LCLAT1: variants seen among roughly 807,000 people sequenced by gnomAD.
LCLAT1 encodes lysocardiolipin acyltransferase 1.
In LCLAT1, 11 loss-of-function variants were observed where a neutral mutation model predicts 30.7. The ratio of observed to expected loss-of-function variants is 0.36; its 90% confidence interval spans 0.23 to 0.59. The LOEUF is 0.59. Ranked by LOEUF, LCLAT1 falls within the 20% of genes least tolerant of loss-of-function variation. The pLI, the probability that LCLAT1 is intolerant of heterozygous loss-of-function variation, is 0.77. For missense variants in LCLAT1, 402 were observed against 458.6 expected (o/e 0.88, Z 1.13); for synonymous variants, 155 against 151.3 (o/e 1.02, Z -0.18).
chr2:30,471,343 G>A (rs556709174), intron 1 of LCLAT1, among the ~76,000 whole-genome samples: 169 of 152,212 alleles, frequency 1.1e-3, no homozygotes, highest in African/African-American at 4.0e-3. Context: ...CTGAGTAGCT[G>A]GAACTACAGG....
intron 5 of LCLAT1, among the ~76,000 whole-genome samples, chr2:30,598,471 A>G (rs1053280651): frequency 7.2e-6 from 1 of 138,452 alleles, no homozygotes; most frequent in Non-Finnish European, 1.6e-5. Flanking sequence ...GGTCGTTTGT[A>G]TTTCAGTGGG....
Position 30,504,192 on chromosome 2 carries a change from A to G in LCLAT1, c.-4-21395A>G, listed in dbSNP as rs139685137. Among the ~76,000 whole-genome samples, 181 of 152,246 alleles carry G rather than the reference A, an allele frequency of 1.2e-3. 1 individual carries two copies. Among genetic ancestry groups the G allele is most frequent in the African/African-American group, 3.4e-3 (143 of 41,522 alleles). On this transcript the variant is annotated intron_variant, in intron 1 of 5. Transcript: ENST00000379509. ...ATATTACACATAATATGCATTACATATATAACATATTACATAACATAACAT... is the reference window on the plus strand; with the variant it reads ...ATATTACACATAATATGCATTACATGTATAACATATTACATAACATAACAT...
intron 1 of LCLAT1, chr2:30,476,263 G>A (rs1355200587): frequency 2.5e-6 from 1 of 392,942 alleles, no homozygotes. Flanking sequence ...TATTTGTGTA[G>A]ATATTGGGAC....
At chr2:30,531,702 T>A (rs1039112637) in intron 2 of LCLAT1, among the ~76,000 whole-genome samples, 6 of 152,226 alleles carry the variant, frequency 3.9e-5, no homozygotes, top group African/African-American at 1.2e-4. Flanking sequence ...TTTGGACATA[T>A]AACTTTTCTA....
intron 3 of LCLAT1, among the ~76,000 whole-genome samples, chr2:30,555,234 T>C (rs1664862517): frequency 6.6e-6 from 1 of 152,118 alleles, no homozygotes; most frequent in Admixed American, 6.5e-5. Context: ...CAGTGGAAAA[T>C]GATTTGGAAC....
At chr2:30,639,989 CTTGT>C (rs1669216751) in intron 5 of LCLAT1, 124 bp from the exon 6 acceptor site, 1 of 705,772 alleles carries the variant, frequency 1.4e-6, no homozygotes, top group South Asian at 1.8e-5. Flanking sequence ...ATCTCTAACC[CTTGT>C]TTGTTCATTG....
chr2:30,589,809 T>G (rs1666612956), intron 5 of LCLAT1, among the ~76,000 whole-genome samples: 1 of 152,182 alleles, frequency 6.6e-6, no homozygotes, highest in South Asian at 2.1e-4. Context: ...CCTACTAATC[T>G]TTTAGTTCGT....
chr2:30,607,165 A>C (rs1377377732), intron 5 of LCLAT1: 6 of 152,136 alleles, frequency 3.9e-5, no homozygotes, highest in Non-Finnish European at 8.8e-5. Flanking sequence ...ACCATTGTGT[A>C]GCTGGGACTA....
At chr2:30,508,290 T>C (rs939214995) in intron 1 of LCLAT1, among the ~76,000 whole-genome samples, 2 of 152,180 alleles carry the variant, frequency 1.3e-5, no homozygotes, top group Non-Finnish European at 2.9e-5. Context: ...TTTTCTGAAA[T>C]CTCGTTTGTC....
At chr2:30,553,317 T>A (rs1419576070) in intron 3 of LCLAT1, among the ~76,000 whole-genome samples, 2 of 152,178 alleles carry the variant, frequency 1.3e-5, no homozygotes, top group African/African-American at 4.8e-5. Context: ...TGAGATAGGT[T>A]TGGACAATAG....
intron 5 of LCLAT1, among the ~76,000 whole-genome samples, chr2:30,579,240 T>TTA (rs1380643127): frequency 5.9e-5 from 9 of 152,128 alleles, no homozygotes; most frequent in African/African-American, 2.2e-4. Context: ...ACTTGATAGA[T>TTA]TAATAGAGTT....
At chr2:30,591,310 C>A (rs933656739) in intron 5 of LCLAT1, among the ~76,000 whole-genome samples, 20 of 152,234 alleles carry the variant, frequency 1.3e-4, no homozygotes, top group Admixed American at 1.2e-3. Flanking sequence ...CAAATGACTT[C>A]TGTGTAAAGA....
chr2:30,562,689 T>C (rs1168663889), intron 4 of LCLAT1, among the ~76,000 whole-genome samples: 2 of 152,302 alleles, frequency 1.3e-5, no homozygotes, highest in East Asian at 3.9e-4. Flanking sequence ...AGCCTCAGAA[T>C]ATATTTTAAA....
At chr2:30,476,998 C>T (rs1683076634) in intron 1 of LCLAT1, among the ~76,000 whole-genome samples, 1 of 152,130 alleles carries the variant, frequency 6.6e-6, no homozygotes, top group Non-Finnish European at 1.5e-5. Context: ...ATTTTTGGCC[C>T]ATAAGGTATT....
intron 1 of LCLAT1, among the ~76,000 whole-genome samples, chr2:30,450,348 T>C (rs1681483421): frequency 1.3e-5 from 2 of 152,108 alleles, no homozygotes; most frequent in Non-Finnish European, 1.5e-5. Flanking sequence ...GACCACAGTA[T>C]TACAGGTGTT....
intron 5 of LCLAT1, among the ~76,000 whole-genome samples, 196 bp from the exon 6 acceptor site, chr2:30,639,921 A>G (rs1669214418): frequency 6.6e-6 from 1 of 152,238 alleles, no homozygotes; most frequent in African/African-American, 2.4e-5. Context: ...ATTAGCAAGC[A>G]GGAAATAAAA....
chr2:30,587,633 C>T (rs1044472436), intron 5 of LCLAT1, among the ~76,000 whole-genome samples: 5 of 152,138 alleles, frequency 3.3e-5, no homozygotes, highest in African/African-American at 1.2e-4. Flanking sequence ...TCAAAGACAA[C>T]AGGATGGTGA....
chr2:30,611,689 C>T (rs192984927), intron 5 of LCLAT1, among the ~76,000 whole-genome samples: 1 of 152,256 alleles, frequency 6.6e-6, no homozygotes, highest in East Asian at 1.9e-4. Context: ...GGCTGAGATT[C>T]TTAACTGGTC....
intron 5 of LCLAT1, among the ~76,000 whole-genome samples, chr2:30,586,526 A>G (rs1175070663): frequency 6.6e-6 from 1 of 152,152 alleles, no homozygotes; most frequent in Admixed American, 6.5e-5. Flanking sequence ...CCACTATAAC[A>G]TCATTGTGAC....
Sources: gnomAD v4.1 joint callset for allele counts (sites outside exome capture counted in the v4.1 genomes callset) on GRCh38, gnomAD v4.1.1 for gene constraint, MANE v1.5 for transcripts, NCBI Gene and HGNC (gene_info 2026-07-23, HGNC 2026-07-21) for gene names.